Variants in CDKN2A observed in about 807,000 individuals in gnomAD.
CDKN2A encodes the protein cyclin dependent kinase inhibitor 2A.
CDKN2A carries 3 observed loss-of-function variants against 11.1 expected under a neutral mutation model. The ratio of observed to expected loss-of-function variants is 0.27; its 90% CI spans 0.12 to 0.70. CDKN2A has a LOEUF of 0.70. CDKN2A is among the 30% of genes least tolerant of loss of function. The pLI, the probability that CDKN2A is intolerant of heterozygous loss-of-function variation, is 0.77. For synonymous variants in CDKN2A, 122 were observed against 108.1 expected (o/e 1.13, Z -0.80); for missense variants, 265 against 233.6 (o/e 1.13, Z -0.88).
chr9:21,972,019 C>T (rs1304323635), intron 1 of CDKN2A, among the ~76,000 whole-genome samples: 3 of 151,814 alleles, frequency 2.0e-5, no homozygotes, highest in East Asian at 3.9e-4. Flanking sequence ...TTCCTCCCAC[C>T]CCCCAGCTCT....
Position 21,980,994 on chromosome 9 carries a change from ATATATATACGTG to A in CDKN2A, c.-3-9798_-3-9787del, listed in dbSNP as rs1466268666. 3.5e-3 allele frequency among the ~76,000 whole-genome samples: 68 copies of A among 19,560 alleles called. 19 individuals are homozygous for A. In the East Asian group the frequency reaches 0.054, roughly 15 times the overall value. The allele number at this position is 19,560 out of a possible 152,430, so 12.8% of individuals were successfully genotyped here. On this transcript the variant is annotated intron_variant, in intron 2 of 3. Transcript: ENST00000494262. ...AATGTATATATATATATACACGTAT[ATATATATACGTG>A]TATATATATATATACGTGTATATAT...
rs1006056201 is a variant in CDKN2A at position 21,995,042 on chromosome 9, T to A, written c.-397A>T. ...TGAACTAAAAGCCGCTCCGCTCCTC[T>A]TCTAGATTTGGAAAACAAGCGAAAT... On this transcript the variant is annotated 5_prime_UTR_variant, in exon 1 of 4. Coordinates refer to the CDKN2A transcript ENST00000494262. This position sits in a 1 kb window ranked among gnomAD's most constrained non-coding sequence, Gnocchi z 5.7. 6.6e-6 allele frequency: 1 copy of A among 152,256 alleles called. No individual in the cohort carries two copies. The highest frequency in any genetic ancestry group is 1.5e-5 in the Non-Finnish European group (1 of 68,066). The allele number at this position is 152,256 out of a possible 1,614,324, so 9.4% of individuals were successfully genotyped here.
rs1254856814 is a variant in CDKN2A at position 21,968,281 on chromosome 9, A to C, written c.458-39T>G. 1 of 1,612,030 alleles carries C rather than the reference A, an allele frequency of 6.2e-7. No individual in the cohort carries two copies. The highest frequency in any genetic ancestry group is 1.7e-4 in the Middle Eastern group (1 of 5,938). ...AAAGAAAACAGGCGTTAGAAACCTG[A>C]GGTCAAAGATGTGTGGCACATCCCG... On this transcript the variant is annotated intron_variant, in intron 2 of 2. Transcript: ENST00000304494. The surrounding 1 kb of genome is among the most constrained non-coding windows in gnomAD (Gnocchi z 4.7).
chr9:21,981,642 T>C (rs1820200476), intron 2 of CDKN2A, among the ~76,000 whole-genome samples: 1 of 151,646 alleles, frequency 6.6e-6, no homozygotes, highest in Non-Finnish European at 1.5e-5. Flanking sequence ...TTTTTTTTTT[T>C]TTTACTAGCT....
chr9:21,987,419 A>ACT (rs1820324709), intron 2 of CDKN2A, among the ~76,000 whole-genome samples: 1 of 119,240 alleles, frequency 8.4e-6, no homozygotes, highest in South Asian at 3.6e-4. Context: ...ACACACACAC[A>ACT]CACACACACA....
rs2131082369 is a variant in CDKN2A, at chr9:21,968,764, G to A, written c.458-522C>T. The A allele has an allele frequency of 6.5e-7, 1 of 1,536,060 alleles. No individual in the cohort carries two copies. The highest frequency in any genetic ancestry group is 8.7e-7 in the Non-Finnish European group (1 of 1,146,874). ...TTCTACAAACCCACAAATGGTTTCC[G>A]ATCATTTCTGAAACAAAATGGATGC... On this transcript the variant is annotated intron_variant, in intron 2 of 2. Transcript: ENST00000304494. This position sits in a 1 kb window ranked among gnomAD's most constrained non-coding sequence, Gnocchi z 4.7.
At chr9:21,993,402 A>C (rs1820483922) in intron 2 of CDKN2A, among the ~76,000 whole-genome samples, 1 of 152,174 alleles carries the variant, frequency 6.6e-6, no homozygotes, top group Non-Finnish European at 1.5e-5. Context: ...GAGATGACTA[A>C]AATACTATCA....
chr9:21,982,095 T>C (rs574038939), intron 2 of CDKN2A, among the ~76,000 whole-genome samples: 86 of 152,336 alleles, frequency 5.6e-4, no homozygotes, highest in African/African-American at 1.9e-3. Flanking sequence ...CTGTGCCAAC[T>C]TCCCTCATTC....
chr9:21,984,804 A>C (rs891389328), intron 2 of CDKN2A, among the ~76,000 whole-genome samples: 1 of 151,916 alleles, frequency 6.6e-6, no homozygotes, highest in Admixed American at 6.6e-5. Flanking sequence ...CCTCTAAAAA[A>C]CTATCCTTTA....
At chr9:21,979,282 G>A (rs1259125566), upstream of CDKN2A, among the ~76,000 whole-genome samples, 2 of 152,168 alleles carry the variant, frequency 1.3e-5, no homozygotes, top group Admixed American at 6.6e-5. Flanking sequence ...AGGATAATGG[G>A]ATGGCAAGGA....
Position 21,968,515 on chromosome 9 carries a change from G to T in CDKN2A, c.458-273C>A, listed in dbSNP as rs1819521532. On this transcript the variant is annotated intron_variant, in intron 2 of 2. Coordinates refer to ENST00000304494, the MANE Select transcript of CDKN2A (RefSeq NM_000077.5). This position sits in a 1 kb window ranked among gnomAD's most constrained non-coding sequence, Gnocchi z 4.7. ...GAGGGCAGAGAAAGCGCGACCGCGC[G>T]GCCCGCAGGGTTGCAAGAAGAAAAC... 6 of 1,450,282 alleles carry T rather than the reference G, an allele frequency of 4.1e-6. No individual in the cohort carries two copies. The South Asian group carries it at 7.3e-5, about 18-fold the overall frequency. The allele number at this position is 1,450,282 out of a possible 1,614,324, so 89.8% of individuals were successfully genotyped here.
intron 2 of CDKN2A, among the ~76,000 whole-genome samples, chr9:21,980,742 G>C (rs984798343): frequency 1.3e-5 from 2 of 151,200 alleles, no homozygotes; most frequent in African/African-American, 4.9e-5. Context: ...GGCGGATCAC[G>C]AGGTCAGGAG....
At chr9:21,983,748 T>A (rs2131131236) in intron 2 of CDKN2A, among the ~76,000 whole-genome samples, 1 of 152,162 alleles carries the variant, frequency 6.6e-6, no homozygotes, top group Non-Finnish European at 1.5e-5. Context: ...CCATTCTTTC[T>A]ATGGCCACAG....
chr9:21,984,844 G>T (rs1344659946), intron 2 of CDKN2A, among the ~76,000 whole-genome samples: 1 of 151,866 alleles, frequency 6.6e-6, no homozygotes, highest in Non-Finnish European at 1.5e-5. Flanking sequence ...GGACTCTATA[G>T]TCTTACTGTT....
At chr9:21,994,241 T>A in intron 1 of CDKN2A, 1 of 1,606,204 alleles carries the variant, frequency 6.2e-7, no homozygotes, top group Middle Eastern at 1.7e-4. Flanking sequence ...CACTCCCCCG[T>A]GAGCCGCGGG....
upstream of CDKN2A, among the ~76,000 whole-genome samples, chr9:21,978,013 T>C (rs1454045146): frequency 6.6e-6 from 1 of 151,956 alleles, no homozygotes; most frequent in Non-Finnish European, 1.5e-5. Flanking sequence ...AAGTTTTAGA[T>C]ATGTATATCT....
Position 21,991,753 on chromosome 9 carries a change from C to A in CDKN2A, c.-4+2129G>T. 1 of 985,030 alleles carries A rather than the reference C, an allele frequency of 1.0e-6. No individual in the cohort carries two copies. The highest frequency in any genetic ancestry group is 1.2e-6 in the Non-Finnish European group (1 of 829,716). 61.0% of individuals were successfully genotyped at this position (985,030 alleles called of 1,614,324 possible). A position where few individuals can be genotyped will look rare whatever the true frequency, so the allele number is the denominator to read the frequency against. ...GGATCATAATGGACTTTCTAAAATT[C>A]AAGAGTACTCAAAGAAGTAAAATGA... On this transcript the variant is annotated intron_variant, in intron 2 of 3. Coordinates refer to the CDKN2A transcript ENST00000494262. The surrounding 1 kb of genome is among the most constrained non-coding windows in gnomAD (Gnocchi z 5.2).
chr9:21,977,066 G>C (rs1054229020), upstream of CDKN2A, among the ~76,000 whole-genome samples: 2 of 152,118 alleles, frequency 1.3e-5, no homozygotes, highest in African/African-American at 4.8e-5. Flanking sequence ...TTTAGTGTCT[G>C]CTTGATTTTA....
intron 2 of CDKN2A, among the ~76,000 whole-genome samples, chr9:21,984,011 T>C (rs3731221): frequency 0.017 from 2,586 of 152,126 alleles, 43 homozygotes; most frequent in Middle Eastern, 0.054. Flanking sequence ...ATGTCAGATA[T>C]ATAAAAATCC....
Sources: gnomAD v4.1 joint callset for allele counts (sites outside exome capture counted in the v4.1 genomes callset) on GRCh38, gnomAD v4.1.1 for gene constraint, Gnocchi (gnomAD v3.1) non-coding constraint, MANE v1.5 for transcripts, NCBI Gene and HGNC (gene_info 2026-07-23, HGNC 2026-07-21) for gene names.